GIGYF2: variants seen among roughly 807,000 people sequenced by gnomAD.
GIGYF2 encodes GRB10-interacting GYF protein 2.
A neutral mutation model predicts 208.1 loss-of-function variants in GIGYF2; 25 were observed. That is an observed-to-expected ratio of 0.12 (90% confidence interval 0.09 to 0.17). GIGYF2 has a LOEUF of 0.17. GIGYF2 is among the 10% of genes least tolerant of loss of function. GIGYF2 has a pLI of 1.00. For synonymous variants in GIGYF2, 534 were observed against 543.8 expected, an observed-to-expected ratio of 0.98 and a Z score of 0.25; for missense variants, 1,302 against 1,579.4, an observed-to-expected ratio of 0.82 and a Z score of 2.98.
intron 8 of GIGYF2, chr2:232,766,949 T>G (rs1047245172): frequency 2.0e-5 from 3 of 152,332 alleles, no homozygotes; most frequent in South Asian, 4.1e-4. Flanking sequence ...TTTTGGTTTT[T>G]GTTTTGTTTT....
intron 2 of GIGYF2, among the ~76,000 whole-genome samples, chr2:232,726,366 C>T (rs1237125789): frequency 9.1e-6 from 1 of 110,448 alleles, no homozygotes; most frequent in Non-Finnish European, 1.8e-5. Context: ...AAGGCTCTGT[C>T]TCAAAAAAAA....
intron 8 of GIGYF2, chr2:232,767,559 T>C (rs1188920702): frequency 6.5e-6 from 1 of 153,674 alleles, no homozygotes; most frequent in African/African-American, 2.4e-5. Context: ...AGTGAACATA[T>C]ATGTATGTGT....
At chr2:232,840,578 A>G (rs569484832) in intron 23 of GIGYF2, among the ~76,000 whole-genome samples, 89 of 152,300 alleles carry the variant, frequency 5.8e-4, no homozygotes, top group African/African-American at 1.8e-3. Context: ...CTGAGTACCT[A>G]CTCACTTAAG....
intron 9 of GIGYF2, chr2:232,788,351 C>G (rs570644857): frequency 8.9e-5 from 19 of 214,318 alleles, no homozygotes; most frequent in African/African-American, 4.4e-4. Context: ...ATGGCTGCCT[C>G]TTGGGTGGGT....
chr2:232,845,191 G>C (rs1489286532), intron 25 of GIGYF2, among the ~76,000 whole-genome samples: 1 of 152,318 alleles, frequency 6.6e-6, no homozygotes, highest in East Asian at 1.9e-4. Flanking sequence ...CTTTATGCAT[G>C]TAATTGTAAA....
rs140898173 is a variant in GIGYF2, at chr2:232,764,924, T to A, written c.532+3488T>A. 1.3e-3 allele frequency among the ~76,000 whole-genome samples: 191 copies of A among 152,334 alleles called. 3 individuals carry two copies. Among genetic ancestry groups the A allele is most frequent in the African/African-American group, 4.3e-3 (179 of 41,576 alleles). ...GCCACCCTCTATTAAAGGTAAAGGT[T>A]CTTTTATTTACATCCCATTGGTATA... On this transcript the variant is annotated intron_variant, in intron 8 of 28. Transcript: ENST00000373563.
intron 15 of GIGYF2, among the ~76,000 whole-genome samples, chr2:232,807,206 G>A (rs187659060): frequency 8.5e-5 from 13 of 152,142 alleles, no homozygotes; most frequent in Admixed American, 2.6e-4. Context: ...AAAAAAATTA[G>A]TTACTGGTAT....
intron 10 of GIGYF2, 27 bp downstream of exon 10, chr2:232,790,942 A>C (rs767724514): frequency 5.3e-5 from 85 of 1,611,662 alleles, no homozygotes; most frequent in Middle Eastern, 3.3e-4. Flanking sequence ...AAATGTCATG[A>C]CCAGCATTAA....
chr2:232,733,992 C>T (rs1697619514), intron 2 of GIGYF2, among the ~76,000 whole-genome samples: 1 of 151,394 alleles, frequency 6.6e-6, no homozygotes, highest in Non-Finnish European at 1.5e-5. Flanking sequence ...TTTTTAAGCT[C>T]TCATATCTTA....
chr2:232,733,005 C>T lies in GIGYF2; in HGVS notation c.-43-2150C>T, dbSNP rs142960491. Among the ~76,000 whole-genome samples, 601 of 151,716 alleles carry T rather than the reference C, an allele frequency of 4.0e-3. 1 individual carries two copies. Among genetic ancestry groups the T allele is most frequent in the African/African-American group, 0.014 (563 of 41,380 alleles). ...GGCGCAGTGGCTCACGCCTGTAATC[C>T]CAGCACTTTGGGAGACCTAGGCAGG... On this transcript the variant is annotated intron_variant, in intron 2 of 28. Coordinates refer to ENST00000373563, the MANE Select transcript of GIGYF2 (RefSeq NM_001103146.3).
At chr2:232,778,055 T>C (rs1029379035) in intron 8 of GIGYF2, among the ~76,000 whole-genome samples, 2 of 152,042 alleles carry the variant, frequency 1.3e-5, no homozygotes, top group African/African-American at 2.4e-5. Flanking sequence ...CAAGTGATCC[T>C]CCCACCTCAT....
chr2:232,767,455 T>C (rs1195012032), intron 8 of GIGYF2: 1 of 152,646 alleles, frequency 6.6e-6, no homozygotes, highest in African/African-American at 2.4e-5. Flanking sequence ...AGGACAGTTT[T>C]AAAATAAAAT....
intron 13 of GIGYF2, 78 bp from the exon 14 acceptor site, chr2:232,795,984 G>A: frequency 9.9e-7 from 1 of 1,011,358 alleles, no homozygotes; most frequent in Non-Finnish European, 1.6e-6. Context: ...CAAAAAAAAG[G>A]GGCAGGCACT....
At chr2:232,784,068 A>G (rs1314854002) in intron 8 of GIGYF2, among the ~76,000 whole-genome samples, 2 of 152,244 alleles carry the variant, frequency 1.3e-5, no homozygotes, top group Non-Finnish European at 2.9e-5. Context: ...TCAAAAATTT[A>G]GCTCCCTGAA....
chr2:232,783,326 C>T (rs983647914), intron 8 of GIGYF2, among the ~76,000 whole-genome samples: 1 of 152,182 alleles, frequency 6.6e-6, no homozygotes, highest in African/African-American at 2.4e-5. Context: ...GACCTGGTTT[C>T]AGATTCTGGT....
intron 9 of GIGYF2, 33 bp from the exon 10 acceptor site, chr2:232,790,663 CTT>C (rs1467193097): frequency 6.5e-7 from 1 of 1,539,624 alleles, no homozygotes; most frequent in East Asian, 2.2e-5. Context: ...TGTCATAAAA[CTT>C]TTCTAAGGTT....
chr2:232,754,502 A>G (rs1698457043), intron 5 of GIGYF2, among the ~76,000 whole-genome samples: 1 of 152,226 alleles, frequency 6.6e-6, no homozygotes, highest in African/African-American at 2.4e-5. Context: ...CACACATACA[A>G]ATGGGTGCAT....
At position 232,809,808 on chromosome 2, in the gene GIGYF2, T is replaced by C. The variant is rs1488057711; in HGVS notation, c.1895T>C (p.Ile632Thr). Residue 632 changes from isoleucine (I) to threonine (T), a missense_variant, in exon 16 of 29, where the codon ATA (isoleucine) becomes ACA (threonine). Physicochemically the swap from Ile to Thr is moderately conservative, Grantham distance 89. This residue lies in a region of GIGYF2 where 701 missense variants were observed against 793.0 expected (regional missense o/e 0.88). Coordinates refer to ENST00000373563, the MANE Select transcript of GIGYF2 (RefSeq NM_001103146.3). Reference protein sequence around the residue: ...MQHLQYQQFLIQQQYAQVLAQ... With the variant: ...MQHLQYQQFLTQQQYAQVLAQ... ...CACCTGCAGTACCAGCAGTTTTTAATACAGTAAGAAGAGTAATGCAGTAGG... is the reference window on the plus strand; with the variant it reads ...CACCTGCAGTACCAGCAGTTTTTAACACAGTAAGAAGAGTAATGCAGTAGG... 1.3e-6 allele frequency: 2 copies of C among 1,540,426 alleles called. No homozygotes were observed. Among genetic ancestry groups the C allele is most frequent in the African/African-American group, 2.7e-5 (2 of 73,430 alleles).
intron 22 of GIGYF2, among the ~76,000 whole-genome samples, chr2:232,837,826 T>C (rs1701689650): frequency 6.6e-6 from 1 of 152,160 alleles, no homozygotes; most frequent in Non-Finnish European, 1.5e-5. Flanking sequence ...TCCACGCAGC[T>C]CCTCATGCTG....
Sources: gnomAD v4.1 joint callset for allele counts (sites outside exome capture counted in the v4.1 genomes callset) on GRCh38, gnomAD v4.1.1 for gene constraint, gnomAD v4.1.1 regional missense constraint, MANE v1.5 for transcripts, NCBI Gene and HGNC (gene_info 2026-07-23, HGNC 2026-07-21) for gene names.